GALNT18: variants seen among roughly 807,000 people sequenced by gnomAD.
GALNT18 encodes the protein polypeptide N-acetylgalactosaminyltransferase 18.
GALNT18 carries 44 observed loss-of-function variants against 69.5 expected under a neutral mutation model. The ratio of observed to expected loss-of-function variants is 0.63; its 90% confidence interval spans 0.50 to 0.81. The LOEUF (loss-of-function observed/expected upper bound fraction) is 0.81. Ranked by LOEUF, GALNT18 falls within the 40% of genes least tolerant of loss-of-function variation. The pLI is 0.00. For missense variants in GALNT18, 715 were observed against 810.0 expected, an observed-to-expected ratio of 0.88 and a Z score of 1.42; for synonymous variants, 364 against 318.2, an observed-to-expected ratio of 1.14 and a Z score of -1.53.
In GALNT18 at chr11:11,318,340, T is replaced by C. The variant is rs967770318; in HGVS notation, c.1512+8746A>G. On this transcript the variant is annotated intron_variant, in intron 9 of 10. Transcript: ENST00000227756. The surrounding 1 kb of genome is among the most constrained non-coding windows in gnomAD (Gnocchi z 5.1). ...AAATTTGCATGAGGTCACACAGAAG[T>C]AGAATGGACCCTTAATCCAACATGA... Among the ~76,000 whole-genome samples the C allele has an allele frequency of 6.6e-6, 1 of 152,118 alleles. No homozygotes were observed. Among genetic ancestry groups the C allele is most frequent in the Non-Finnish European group, 1.5e-5 (1 of 68,034 alleles).
At position 11,621,247 on chromosome 11, in the gene GALNT18, GC is replaced by G; in HGVS notation, c.235+111del. On this transcript the variant is annotated intron_variant, in intron 1 of 10. Coordinates refer to ENST00000227756, the MANE Select transcript of GALNT18 (RefSeq NM_198516.3). The surrounding 1 kb of genome is among the most constrained non-coding windows in gnomAD (Gnocchi z 9.3). ...GCCCCACGACTACCACGCATCTGCG[GC>G]CCCAGAGCCCCGCCGTGGCTGAGTT... 1.2e-6 allele frequency: 1 copy of G among 833,250 alleles called. No homozygotes were observed. Among genetic ancestry groups the G allele is most frequent in the Non-Finnish European group, 1.9e-6 (1 of 522,028 alleles). 51.6% of individuals were successfully genotyped at this position (833,250 alleles called of 1,614,324 possible). A position where few individuals can be genotyped will look rare whatever the true frequency, so the allele number is the denominator to read the frequency against.
chr11:11,352,881 C>T (rs757842632), intron 6 of GALNT18: 29 of 1,614,024 alleles, frequency 1.8e-5, no homozygotes, highest in Admixed American at 6.7e-5. Flanking sequence ...CTTTATTTCA[C>T]GCTTAATTTT....
intron 3 of GALNT18, among the ~76,000 whole-genome samples, chr11:11,394,347 C>T (rs1192693079): frequency 2.0e-5 from 3 of 152,086 alleles, no homozygotes; most frequent in Non-Finnish European, 2.9e-5. Flanking sequence ...TGGGCTATGG[C>T]TGAGTGTAGG....
intron 1 of GALNT18, among the ~76,000 whole-genome samples, chr11:11,466,051 C>T (rs2133846395): frequency 6.6e-6 from 1 of 152,242 alleles, no homozygotes; most frequent in Non-Finnish European, 1.5e-5. Context: ...TTTTGCATTT[C>T]ACCCATTATA....
intron 3 of GALNT18, among the ~76,000 whole-genome samples, chr11:11,419,619 A>AAAAAAAAAG (rs1554932034): frequency 3.9e-5 from 5 of 128,354 alleles, no homozygotes; most frequent in African/African-American, 8.4e-5. Context: ...AAAAAAAAAA[A>AAAAAAAAAG]AAAGAAAGAA....
At position 11,374,240 on chromosome 11, in the gene GALNT18, C is replaced by T. The variant is rs112753573; in HGVS notation, c.978-1611G>A. 2.5e-4 allele frequency among the ~76,000 whole-genome samples: 38 copies of T among 152,278 alleles called. 1 individual carries two copies. Among genetic ancestry groups the T allele is most frequent in the African/African-American group, 8.4e-4 (35 of 41,552 alleles). On this transcript the variant is annotated intron_variant, in intron 5 of 10. Transcript: ENST00000227756. ...GTCTCTCTGGGAAAAATCCCCCTTC[C>T]GGATGCATGTCTCTAAGAGAAGTTC... is the stretch of plus-strand genomic sequence containing the variant.
intron 1 of GALNT18, among the ~76,000 whole-genome samples, chr11:11,554,038 G>A (rs552707214): frequency 6.6e-6 from 1 of 152,122 alleles, no homozygotes. Flanking sequence ...ACTACAAAAG[G>A]GTTTGCCAGT....
intron 1 of GALNT18, among the ~76,000 whole-genome samples, chr11:11,518,139 C>A (rs1857321644): frequency 6.6e-6 from 1 of 152,188 alleles, no homozygotes; most frequent in Non-Finnish European, 1.5e-5. Flanking sequence ...TCACAGGACA[C>A]CAGGCTGACT....
chr11:11,351,761 CTTTTT>C (rs58753775), intron 6 of GALNT18, among the ~76,000 whole-genome samples: 2 of 149,042 alleles, frequency 1.3e-5, no homozygotes, highest in South Asian at 2.1e-4. Flanking sequence ...GAGCAATTTT[CTTTTT>C]TTTTTTTTTC....
At chr11:11,484,789 G>A (rs751799529) in intron 1 of GALNT18, among the ~76,000 whole-genome samples, 14 of 152,094 alleles carry the variant, frequency 9.2e-5, no homozygotes, top group Non-Finnish European at 1.3e-4. Flanking sequence ...CCTGCCAAAG[G>A]TCCAAAGCAG....
intron 10 of GALNT18, among the ~76,000 whole-genome samples, chr11:11,272,615 C>T (rs936170513): frequency 6.6e-6 from 1 of 152,248 alleles, no homozygotes; most frequent in South Asian, 2.1e-4. Context: ...GGTTCCTGCA[C>T]TTTAAGCAAG....
rs1457196283 is a variant in GALNT18 at position 11,621,346 on chromosome 11, G to T, written c.235+13C>A. ...GGCCTCATGGGCGACCCAAGTTTCC[G>T]GGGCGCCCGTACCTTGAATGTGCTG... On this transcript the variant is annotated intron_variant, in intron 1 of 10. Transcript: ENST00000227756. The surrounding 1 kb of genome is among the most constrained non-coding windows in gnomAD (Gnocchi z 9.3). The T allele has an allele frequency of 1.2e-6, 2 of 1,609,998 alleles. No individual in the cohort carries two copies. Among genetic ancestry groups the T allele is most frequent in the Non-Finnish European group, 1.7e-6 (2 of 1,177,178 alleles).
chr11:11,598,929 C>T lies in GALNT18; in HGVS notation c.235+22430G>A, dbSNP rs1354884747. Reference sequence around the variant, plus strand: ...CTGTTATTGGTTCAATTACATTTCACGTGGCCAGAGAATGTACTTTGTTCA... The same window carrying T: ...CTGTTATTGGTTCAATTACATTTCATGTGGCCAGAGAATGTACTTTGTTCA... On this transcript the variant is annotated intron_variant, in intron 1 of 10. Transcript: ENST00000227756. This position sits in a 1 kb window ranked among gnomAD's most constrained non-coding sequence, Gnocchi z 4.8. Among the ~76,000 whole-genome samples, 1 of 151,894 alleles carries T rather than the reference C, an allele frequency of 6.6e-6. No individual in the cohort carries two copies. Among genetic ancestry groups the T allele is most frequent in the Admixed American group, 6.6e-5 (1 of 15,256 alleles).
At chr11:11,282,547 C>T (rs1849102762) in intron 10 of GALNT18, among the ~76,000 whole-genome samples, 1 of 152,146 alleles carries the variant, frequency 6.6e-6, no homozygotes, top group East Asian at 1.9e-4. Context: ...GCCTGGGAAC[C>T]CAGGGGGGTC....
In GALNT18 at chr11:11,448,914, C is replaced by T; in HGVS notation, c.258G>A (p.Glu86=). ...HIQEAPAKPE[E]AEAEPFTDSS... is the part of the protein sequence containing the mutation. ...AGTCTGTGAAGGGCTCGGCCTCTGC[C>T]TCCTCAGGCTTGGCAGGAGCCTCTG... is the stretch of plus-strand genomic sequence containing the variant. Residue 86 remains glutamate, a synonymous_variant, in exon 2 of 11, where the codon GAG becomes GAA. Coordinates refer to ENST00000227756, the MANE Select transcript of GALNT18 (RefSeq NM_198516.3). The T allele has an allele frequency of 6.3e-7, 1 of 1,595,928 alleles. No homozygotes were observed. Among genetic ancestry groups the T allele is most frequent in the Non-Finnish European group, 8.5e-7 (1 of 1,171,522 alleles).
At chr11:11,428,647 C>T (rs749319290) in intron 3 of GALNT18, among the ~76,000 whole-genome samples, 1 of 152,196 alleles carries the variant, frequency 6.6e-6, no homozygotes, top group Non-Finnish European at 1.5e-5. Flanking sequence ...CCTCAGGTGC[C>T]CACCTCCCCA....
At position 11,463,068 on chromosome 11, in the gene GALNT18, C is replaced by T. The variant is rs1020818552; in HGVS notation, c.236-14132G>A. Among the ~76,000 whole-genome samples the T allele has an allele frequency of 6.6e-6, 1 of 152,116 alleles. No homozygotes were observed. Among genetic ancestry groups the T allele is most frequent in the African/African-American group, 2.4e-5 (1 of 41,416 alleles). On this transcript the variant is annotated intron_variant, in intron 1 of 10. Coordinates refer to ENST00000227756, the MANE Select transcript of GALNT18 (RefSeq NM_198516.3). The surrounding 1 kb of genome is among the most constrained non-coding windows in gnomAD (Gnocchi z 4.2). ...AGGTGGGAGGGTAAGCAGTGCTCTG[C>T]AGTGTGGAGAGAGAGGATATCAATC...
Position 11,469,985 on chromosome 11 carries a change from T to C in GALNT18, c.236-21049A>G, listed in dbSNP as rs6484931. Among the ~76,000 whole-genome samples the C allele has an allele frequency of 0.98, 148,896 of 152,306 alleles. 72,860 individuals carry two copies. Among genetic ancestry groups the C allele is most frequent in the East Asian group, 1 (5,172 of 5,172 alleles). On this transcript the variant is annotated intron_variant, in intron 1 of 10. Coordinates refer to ENST00000227756, the MANE Select transcript of GALNT18 (RefSeq NM_198516.3). This position sits in a 1 kb window ranked among gnomAD's most constrained non-coding sequence, Gnocchi z 4.2. Reference sequence around the variant, plus strand: ...AGAGGATTTTGTTCTTTGAATGAATTGAAGTCCTGTTTGCTTGCCTTTGTA... The same window carrying C: ...AGAGGATTTTGTTCTTTGAATGAATCGAAGTCCTGTTTGCTTGCCTTTGTA...
At chr11:11,431,987 G>A (rs1005480034) in intron 3 of GALNT18, among the ~76,000 whole-genome samples, 1 of 152,192 alleles carries the variant, frequency 6.6e-6, no homozygotes, top group African/African-American at 2.4e-5. Flanking sequence ...CAGGGAAAAG[G>A]GGTGGCTGGT....
Sources: allele counts gnomAD v4.1 joint callset (sites outside exome capture counted in the v4.1 genomes callset), GRCh38; gene constraint gnomAD v4.1.1; non-coding constraint Gnocchi (gnomAD v3.1); transcripts MANE v1.5; gene names NCBI Gene and HGNC (gene_info 2026-07-23, HGNC 2026-07-21).